The following NUP155 variants were observed in gnomAD, a reference collection of about 807,000 sequenced individuals.
NUP155 encodes nucleoporin 155, also known as nuclear pore complex protein Nup155.
NUP155 carries 71 observed loss-of-function variants against 180.4 expected under a neutral mutation model. The observed-to-expected ratio is 0.39, with a 90% CI of 0.33 to 0.48. NUP155 has a LOEUF of 0.48. Among genes scored for constraint, NUP155 ranks in the 20% least tolerant of loss-of-function variants. The pLI is 0.91. For missense variants in NUP155, 1,553 were observed against 1,648.9 expected (o/e 0.94, Z 1.01); for synonymous variants, 582 against 559.5 (o/e 1.04, Z -0.57).
At chr5:37,328,146 T>C (rs1581166610) in intron 17 of NUP155, among the ~76,000 whole-genome samples, 1 of 152,220 alleles carries the variant, frequency 6.6e-6, no homozygotes, top group East Asian at 1.9e-4. Context: ...GGTAGCCAAA[T>C]AATGGGCTTT....
chr5:37,311,935 T>C (rs1743555734), intron 22 of NUP155, among the ~76,000 whole-genome samples: 1 of 152,136 alleles, frequency 6.6e-6, no homozygotes, highest in South Asian at 2.1e-4. Flanking sequence ...GCAGGAGAAC[T>C]GCTTGTACCC....
At chr5:37,307,956 T>A (rs544660651) in intron 24 of NUP155, among the ~76,000 whole-genome samples, 2,652 of 134,084 alleles carry the variant, frequency 0.02, 44 homozygotes, top group Middle Eastern at 0.046. Context: ...AAAAAAAATA[T>A]ATATATATAT....
chr5:37,324,747 C>T (rs546237401), intron 19 of NUP155, among the ~76,000 whole-genome samples: 1 of 152,288 alleles, frequency 6.6e-6, no homozygotes, highest in Non-Finnish European at 1.5e-5. Context: ...GAAAAGGCAT[C>T]TGGCCGCGTT....
At chr5:37,361,574 A>ATTT (rs1405977183) in intron 3 of NUP155, among the ~76,000 whole-genome samples, 1 of 152,200 alleles carries the variant, frequency 6.6e-6, no homozygotes, top group Non-Finnish European at 1.5e-5. Context: ...TAACTGGCAC[A>ATTT]GCCTCTTGGA....
At position 37,288,811 on chromosome 5, in the gene NUP155, C is replaced by G. The variant is rs2150931563; in HGVS notation, c.*3089G>C. 1 of 143,828 alleles carries G rather than the reference C, an allele frequency of 7.0e-6. No homozygotes were observed. Among genetic ancestry groups the G allele is most frequent in the East Asian group, 2.1e-4 (1 of 4,876 alleles). The allele number at this position is 143,828 out of a possible 1,614,324, so 8.9% of individuals were successfully genotyped here. On this transcript the variant is annotated 3_prime_UTR_variant, in exon 35 of 35. Coordinates refer to ENST00000231498, the MANE Select transcript of NUP155 (RefSeq NM_153485.3). ...AGGCGCAGTGGCTCATGCCTGTAAT[C>G]CCAGCTCTTTGGGAGGCCAAGGGGG...
At chr5:37,370,755 A>G in intron 1 of NUP155, 66 bp downstream of exon 1, 1 of 1,613,326 alleles carries the variant, frequency 6.2e-7, no homozygotes, top group Non-Finnish European at 8.5e-7. Flanking sequence ...CGCTGGGGAT[A>G]AGTAGCAAAT....
In NUP155 at chr5:37,291,701, A is replaced by G; in HGVS notation, c.*199T>C. 2.1e-6 allele frequency: 1 copy of G among 467,070 alleles called. No individual in the cohort carries two copies. Among genetic ancestry groups the G allele is most frequent in the Non-Finnish European group, 3.8e-6 (1 of 261,440 alleles). 28.9% of individuals were successfully genotyped at this position (467,070 alleles called of 1,614,324 possible). On this transcript the variant is annotated 3_prime_UTR_variant, in exon 35 of 35. Transcript: ENST00000231498. Reference sequence around the variant, plus strand: ...ATAATCTCATTTCAGTTGTTTTTTCACCCAATTACTAAAAAACAAAATAGT... The same window carrying G: ...ATAATCTCATTTCAGTTGTTTTTTCGCCCAATTACTAAAAAACAAAATAGT...
chr5:37,303,174 A>G, intron 28 of NUP155, 86 bp downstream of exon 28: 1 of 1,490,568 alleles, frequency 6.7e-7, no homozygotes, highest in East Asian at 2.3e-5. Flanking sequence ...TAAAACTTAG[A>G]TTCTTCTAAA....
rs908899694 is a variant in NUP155 at position 37,293,826 on chromosome 5, C to T, written c.3930+503G>A. Among the ~76,000 whole-genome samples the T allele has an allele frequency of 6.7e-5, 7 of 104,852 alleles. 1 individual carries two copies. The East Asian group carries it at 1.5e-3, about 23-fold the overall frequency. 68.8% of individuals were successfully genotyped at this position (104,852 alleles called of 152,430 possible). A position where few individuals can be genotyped will look rare whatever the true frequency, so the allele number is the denominator to read the frequency against. The stretch of plus-strand genomic sequence containing the variant: ...CATCCTGGCTAACAAGGTGAAACCC[C>T]GTCTCTACTAAAAATACAAAAAATT... On this transcript the variant is annotated intron_variant, in intron 33 of 34. Coordinates refer to ENST00000231498, the MANE Select transcript of NUP155 (RefSeq NM_153485.3).
intron 3 of NUP155, among the ~76,000 whole-genome samples, chr5:37,362,329 C>T (rs919294650): frequency 2.0e-5 from 3 of 150,770 alleles, no homozygotes; most frequent in Admixed American, 6.6e-5. Context: ...CCTCTTGTTG[C>T]CCAGGCTGGA....
intron 32 of NUP155, among the ~76,000 whole-genome samples, chr5:37,296,377 C>T (rs1472857873): frequency 6.6e-6 from 1 of 151,792 alleles, no homozygotes; most frequent in Non-Finnish European, 1.5e-5. Context: ...GTGACCTTAC[C>T]CCCAACCCTG....
Position 37,303,095 on chromosome 5 carries a change from A to G in NUP155, c.3317+165T>C, listed in dbSNP as rs1742955329. 2.0e-5 allele frequency among the ~76,000 whole-genome samples: 3 copies of G among 152,214 alleles called. No individual in the cohort carries two copies. The South Asian group carries it at 6.2e-4, about 31-fold the overall frequency. ...TCATAAGAGAGATCCACAATTTTAG[A>G]CAACACATAAAGAAATACATTTATG... On this transcript the variant is annotated intron_variant, in intron 28 of 34. Coordinates refer to ENST00000231498, the MANE Select transcript of NUP155 (RefSeq NM_153485.3).
At chr5:37,358,266 C>G in intron 3 of NUP155, 115 bp from the exon 4 acceptor site, 1 of 764,288 alleles carries the variant, frequency 1.3e-6, no homozygotes, top group Middle Eastern at 3.3e-4. Context: ...ACTGCCTGAG[C>G]CCAGAAGTTC....
chr5:37,359,323 G>A (rs189081822), intron 3 of NUP155, among the ~76,000 whole-genome samples: 11 of 152,028 alleles, frequency 7.2e-5, no homozygotes, highest in Admixed American at 3.3e-4. Flanking sequence ...AATAGAAAAT[G>A]CTGCTCCCCA....
intron 32 of NUP155, among the ~76,000 whole-genome samples, chr5:37,294,964 G>A (rs1375248403): frequency 6.6e-6 from 1 of 151,966 alleles, no homozygotes; most frequent in Non-Finnish European, 1.5e-5. Flanking sequence ...AAACAGAGAC[G>A]ATTCACGATC....
In NUP155 at chr5:37,341,156, G is replaced by C. The variant is rs772792961; in HGVS notation, c.1180C>G (p.Pro394Ala). ...TLTLVHVRLP[P>A]GFSASSTVEK... ...ACGGTTGAAGATGCTGAGAATCCAGGAGGTAAGCGGACATGAACCAGCGTC... is the reference window on the plus strand; with the variant it reads ...ACGGTTGAAGATGCTGAGAATCCAGCAGGTAAGCGGACATGAACCAGCGTC... The change falls in exon 11 of 35, where the codon CCT (proline) becomes GCT (alanine). Residue 394 changes from proline (P) to alanine (A), a missense_variant. Physicochemically the swap from Pro to Ala is conservative, Grantham distance 27. Transcript: ENST00000231498. 1.2e-6 allele frequency: 2 copies of C among 1,613,914 alleles called. No homozygotes were observed. The highest frequency in any genetic ancestry group is 2.2e-5 in the South Asian group (2 of 91,078).
At position 37,361,740 on chromosome 5, in the gene NUP155, G is replaced by A. The variant is rs145856469; in HGVS notation, c.392+2148C>T. On this transcript the variant is annotated intron_variant, in intron 3 of 34. Coordinates refer to ENST00000231498, the MANE Select transcript of NUP155 (RefSeq NM_153485.3). ...TTACAAAATTGAATTTGTGGACCTT[G>A]TGCCTTGATTTTTTAAAATAAGTAC... Among the ~76,000 whole-genome samples, 192 of 152,264 alleles carry A rather than the reference G, an allele frequency of 1.3e-3. 1 individual carries two copies. Among genetic ancestry groups the A allele is most frequent in the African/African-American group, 4.5e-3 (187 of 41,554 alleles).
intron 1 of NUP155, among the ~76,000 whole-genome samples, chr5:37,365,222 G>T (rs938748068): frequency 6.6e-6 from 1 of 151,686 alleles, no homozygotes; most frequent in Non-Finnish European, 1.5e-5. Context: ...TTGTGTCATT[G>T]CATTCCAGCC....
rs2150955523 is a variant in NUP155 at position 37,318,231 on chromosome 5, G to GA, written c.2208-147dup. 6.2e-6 allele frequency: 4 copies of GA among 648,674 alleles called. No homozygotes were observed. The South Asian group carries it at 6.6e-5, about 11-fold the overall frequency. 40.2% of individuals were successfully genotyped at this position (648,674 alleles called of 1,614,324 possible). A position where few individuals can be genotyped will look rare whatever the true frequency, so the allele number is the denominator to read the frequency against. On this transcript the variant is annotated intron_variant, in intron 20 of 34. Transcript: ENST00000231498. ...CCAACACCAGAAGGGCTGATGGCCA[G>GA]AAAAAATTTATGACACAGACTAAAC...
Sources: allele counts gnomAD v4.1 joint callset (sites outside exome capture counted in the v4.1 genomes callset), GRCh38; gene constraint gnomAD v4.1.1; transcripts MANE v1.5; gene names NCBI Gene and HGNC (gene_info 2026-07-23, HGNC 2026-07-21).